Variants in MAPKAP1 observed in about 807,000 individuals in gnomAD.
MAPKAP1 encodes the protein MAPK associated protein 1.
MAPKAP1 carries 20 observed loss-of-function variants against 65.7 expected under a neutral mutation model. The observed-to-expected ratio is 0.30, with a 90% CI of 0.21 to 0.44. MAPKAP1 has a LOEUF of 0.44. Among genes scored for constraint, MAPKAP1 ranks in the 20% least tolerant of loss-of-function variants. The pLI is 1.00. For synonymous variants in MAPKAP1, 222 were observed against 244.3 expected (o/e 0.91, Z 0.85); for missense variants, 423 against 648.0 (o/e 0.65, Z 3.77).
intron 1 of MAPKAP1, among the ~76,000 whole-genome samples, chr9:125,704,176 T>C (rs2131888841): frequency 6.6e-6 from 1 of 152,264 alleles, no homozygotes; most frequent in Admixed American, 6.5e-5. Context: ...GGTGTAGTAA[T>C]GAAGAGTGCC....
intron 4 of MAPKAP1, among the ~76,000 whole-genome samples, chr9:125,643,082 TAG>T (rs1833625015): frequency 6.6e-6 from 1 of 151,906 alleles, no homozygotes; most frequent in South Asian, 2.1e-4. Context: ...GTATTTTTAG[TAG>T]AGACGGGGTT....
At chr9:125,457,147 C>G (rs977183907) in intron 10 of MAPKAP1, among the ~76,000 whole-genome samples, 1 of 152,022 alleles carries the variant, frequency 6.6e-6, no homozygotes, top group East Asian at 1.9e-4. Flanking sequence ...AGCCACCATG[C>G]CTGGCTAATT....
At chr9:125,624,431 G>C (rs1833025079) in intron 4 of MAPKAP1, among the ~76,000 whole-genome samples, 1 of 110,988 alleles carries the variant, frequency 9.0e-6, no homozygotes, top group African/African-American at 3.3e-5. Flanking sequence ...CGGGAGGGAG[G>C]TGGGGGGGGT....
At chr9:125,581,871 T>G (rs2131571458) in intron 5 of MAPKAP1, among the ~76,000 whole-genome samples, 1 of 152,324 alleles carries the variant, frequency 6.6e-6, no homozygotes, top group African/African-American at 2.4e-5. Context: ...CTTCCGCCAT[T>G]TAATTTGCAT....
At chr9:125,649,303 C>A (rs1401908507) in intron 4 of MAPKAP1, among the ~76,000 whole-genome samples, 1 of 152,200 alleles carries the variant, frequency 6.6e-6, no homozygotes, top group East Asian at 1.9e-4. Context: ...ACAGTAATCT[C>A]ATTGTAACAA....
chr9:125,558,433 C>G (rs1830800935), intron 6 of MAPKAP1, among the ~76,000 whole-genome samples: 1 of 152,120 alleles, frequency 6.6e-6, no homozygotes, highest in Non-Finnish European at 1.5e-5. Flanking sequence ...GGCCCACTCC[C>G]CAGCTTACCC....
chr9:125,457,373 CTTTTT>C (rs762462527), intron 10 of MAPKAP1, among the ~76,000 whole-genome samples: 19 of 152,134 alleles, frequency 1.2e-4, no homozygotes, highest in Admixed American at 3.9e-4. Context: ...AATTTTTCTT[CTTTTT>C]GAGTTCTTCT....
At chr9:125,504,055 A>T (rs116652507) in intron 8 of MAPKAP1, among the ~76,000 whole-genome samples, 2 of 151,814 alleles carry the variant, frequency 1.3e-5, no homozygotes, top group African/African-American at 4.8e-5. Flanking sequence ...ATAATTTCCA[A>T]AAACAGATTT....
chr9:125,622,830 G>A (rs759813297), intron 4 of MAPKAP1, among the ~76,000 whole-genome samples: 3 of 147,024 alleles, frequency 2.0e-5, no homozygotes, highest in Non-Finnish European at 4.5e-5. Context: ...TCCCCTCTCC[G>A]TCTCCCCAGT....
Position 125,691,280 on chromosome 9 carries a change from A to G in MAPKAP1, c.-70+15691T>C, listed in dbSNP as rs561073540. ...CGTCTCAAAAACAAAACAAAACAAA[A>G]CAAAACAAAACTGGTAGAACTCGGT... On this transcript the variant is annotated intron_variant, in intron 1 of 11. Transcript: ENST00000265960. 5.9e-5 allele frequency among the ~76,000 whole-genome samples: 9 copies of G among 152,232 alleles called. No individual in the cohort carries two copies. In the South Asian group the frequency reaches 1.7e-3, roughly 28 times the overall value.
intron 1 of MAPKAP1, among the ~76,000 whole-genome samples, chr9:125,685,978 A>G (rs1053922609): frequency 6.6e-6 from 1 of 152,238 alleles, no homozygotes; most frequent in African/African-American, 2.4e-5. Context: ...AGAATTCAAC[A>G]GAGTAATGTT....
chr9:125,628,792 G>A (rs1833185703), intron 4 of MAPKAP1, among the ~76,000 whole-genome samples: 1 of 151,972 alleles, frequency 6.6e-6, no homozygotes, highest in Admixed American at 6.6e-5. Context: ...TATGCAACAG[G>A]ACAAAATATT....
intron 4 of MAPKAP1, among the ~76,000 whole-genome samples, chr9:125,636,726 T>A (rs1224554278): frequency 6.6e-6 from 1 of 152,226 alleles, no homozygotes; most frequent in East Asian, 1.9e-4. Flanking sequence ...TTTGCTTACA[T>A]ATGATCTGCC....
At chr9:125,649,798 CAAAAAAA>C (rs35503728) in intron 4 of MAPKAP1, among the ~76,000 whole-genome samples, 65 of 76,208 alleles carry the variant, frequency 8.5e-4, no homozygotes, top group African/African-American at 3.3e-3. Context: ...AACTCCGTCT[CAAAAAAA>C]AAAAAAAAAA....
At chr9:125,691,217 C>T (rs1014801299) in intron 1 of MAPKAP1, among the ~76,000 whole-genome samples, 15 of 152,018 alleles carry the variant, frequency 9.9e-5, no homozygotes, top group African/African-American at 3.4e-4. Flanking sequence ...GCCGAGATCG[C>T]GCCACTGCAC....
chr9:125,445,145 C>T (rs1428849297), intron 10 of MAPKAP1, among the ~76,000 whole-genome samples: 4 of 149,558 alleles, frequency 2.7e-5, no homozygotes, highest in African/African-American at 7.4e-5. Flanking sequence ...AGGATGGGGG[C>T]GGGGGGGGCA....
intron 7 of MAPKAP1, 27 bp downstream of exon 7, chr9:125,543,032 T>A: frequency 7.0e-7 from 1 of 1,436,766 alleles, no homozygotes; most frequent in Non-Finnish European, 9.8e-7. Context: ...CTTCTACTAC[T>A]GTGAGAATAT....
At chr9:125,659,617 C>T (rs1422366116) in intron 3 of MAPKAP1, among the ~76,000 whole-genome samples, 1 of 151,890 alleles carries the variant, frequency 6.6e-6, no homozygotes, top group Non-Finnish European at 1.5e-5. Context: ...CTTGCCAACT[C>T]ATGAACAGCT....
chr9:125,487,565 T>C (rs1854535707), intron 8 of MAPKAP1, among the ~76,000 whole-genome samples: 1 of 149,934 alleles, frequency 6.7e-6, no homozygotes, highest in Non-Finnish European at 1.5e-5. Context: ...ATATTGCAGG[T>C]ATTTGATTTG....
Sources: allele counts gnomAD v4.1 joint callset (sites outside exome capture counted in the v4.1 genomes callset), GRCh38; gene constraint gnomAD v4.1.1; transcripts MANE v1.5; gene names NCBI Gene and HGNC (gene_info 2026-07-23, HGNC 2026-07-21).